The following ATP2B2 variants were observed in gnomAD, a reference collection of about 807,000 sequenced individuals.
ATP2B2 encodes ATPase plasma membrane Ca2+ transporting 2, also known as plasma membrane calcium-transporting ATPase 2.
In ATP2B2, 15 loss-of-function variants were observed where a neutral mutation model predicts 120.0. That is an observed-to-expected ratio of 0.12 (90% CI 0.08 to 0.19). The LOEUF is 0.19. Ranked by LOEUF, ATP2B2 falls within the 10% of genes least tolerant of loss-of-function variation. ATP2B2 has a pLI of 1.00. For synonymous variants in ATP2B2, 694 were observed against 700.3 expected (o/e 0.99, Z 0.14); for missense variants, 1,045 against 1,719.8 (o/e 0.61, Z 6.94).
chr3:10,489,883 T>C (rs1285898295), intron 1 of ATP2B2, among the ~76,000 whole-genome samples: 1 of 152,250 alleles, frequency 6.6e-6, no homozygotes, highest in Admixed American at 6.5e-5. Context: ...CCATTTAGCC[T>C]GCAGCCCTGG....
At position 10,598,737 on chromosome 3, in the gene ATP2B2, C is replaced by T. The variant is rs150536559; in HGVS notation, c.-415+21180G>A. ...AAACACATGGAAACCTGAGTCTGCA[C>T]GGAATAAATGTTTGCTGATTGACTG... On this transcript the variant is annotated intron_variant, in intron 2 of 21. Transcript: ENST00000646379. 1.3e-4 allele frequency among the ~76,000 whole-genome samples: 20 copies of T among 152,288 alleles called. No individual in the cohort carries two copies. The East Asian group carries it at 3.3e-3, about 25-fold the overall frequency.
intron 1 of ATP2B2, among the ~76,000 whole-genome samples, chr3:10,498,078 T>C (rs613514): frequency 0.71 from 108,634 of 152,212 alleles, 39,918 homozygotes; most frequent in African/African-American, 0.89. Flanking sequence ...TCCACTGTGG[T>C]GTAACACCAG....
intron 1 of ATP2B2, among the ~76,000 whole-genome samples, chr3:10,651,343 C>A (rs1012788609): frequency 6.6e-6 from 1 of 152,116 alleles, no homozygotes; most frequent in African/African-American, 2.4e-5. Context: ...GTAATTGAAT[C>A]ATGGGGGCAG....
chr3:10,595,627 A>G (rs939268842), intron 2 of ATP2B2, among the ~76,000 whole-genome samples: 1 of 140,122 alleles, frequency 7.1e-6, no homozygotes, highest in Non-Finnish European at 1.5e-5. Context: ...CCAAGTTGCC[A>G]CATCTCATAT....
At chr3:10,345,661 C>T in intron 17 of ATP2B2, 86 bp from the exon 18 acceptor site, 1 of 1,312,458 alleles carries the variant, frequency 7.6e-7, no homozygotes, top group Non-Finnish European at 1.1e-6. Context: ...CCTCCACTTC[C>T]TCAGTCCTAC....
chr3:10,373,424 T>A (rs6442165), intron 11 of ATP2B2, among the ~76,000 whole-genome samples: 3 of 152,020 alleles, frequency 2.0e-5, no homozygotes, highest in South Asian at 2.1e-4. Flanking sequence ...CTTTAAGTCC[T>A]TACTATCCAA....
intron 1 of ATP2B2, among the ~76,000 whole-genome samples, chr3:10,496,134 T>C (rs547218687): frequency 1.4e-4 from 21 of 152,306 alleles, no homozygotes; most frequent in Middle Eastern, 3.4e-3. Flanking sequence ...AAGTGAGTCA[T>C]GTAAGTTGAT....
At position 10,557,966 on chromosome 3, in the gene ATP2B2, G is replaced by T. The variant is rs4684711; in HGVS notation, c.-414-23833C>A. Among the ~76,000 whole-genome samples the T allele has an allele frequency of 1.6e-4, 25 of 152,288 alleles. No homozygotes were observed. In the East Asian group the frequency reaches 2.9e-3, roughly 18 times the overall value. On this transcript the variant is annotated intron_variant, in intron 2 of 21. Transcript: ENST00000646379. ...TCTTGGTCAGAGATGGTAGCATGAA[G>T]GCCCCTGGCCAGGCAGTGATACAGG...
At chr3:10,659,104 T>C (rs1377623937) in intron 1 of ATP2B2, among the ~76,000 whole-genome samples, 2 of 152,112 alleles carry the variant, frequency 1.3e-5, no homozygotes, top group Non-Finnish European at 2.9e-5. Context: ...GGACTAAACA[T>C]GGAAAGGAAC....
At chr3:10,507,695 C>T (rs1559428278), upstream of ATP2B2, among the ~76,000 whole-genome samples, 1 of 152,352 alleles carries the variant, frequency 6.6e-6, no homozygotes, top group East Asian at 1.9e-4. Context: ...AACAATCACA[C>T]TGCCTTCTGT....
At chr3:10,654,480 G>A (rs1320499156) in intron 1 of ATP2B2, among the ~76,000 whole-genome samples, 4 of 152,246 alleles carry the variant, frequency 2.6e-5, no homozygotes, top group East Asian at 3.9e-4. Flanking sequence ...GAACATAGAC[G>A]AGCGAAGTGG....
intron 1 of ATP2B2, among the ~76,000 whole-genome samples, chr3:10,479,321 C>T (rs1024902): frequency 0.44 from 65,691 of 150,626 alleles, 15,581 homozygotes; most frequent in East Asian, 0.99. Context: ...CTCTCATTTC[C>T]TCTGCTTGTC....
chr3:10,343,327 A>G lies in ATP2B2; in HGVS notation c.2704-362T>C, dbSNP rs1255167890. Among the ~76,000 whole-genome samples, 2 of 150,684 alleles carry G rather than the reference A, an allele frequency of 1.3e-5. No individual in the cohort carries two copies. Among genetic ancestry groups the G allele is most frequent in the African/African-American group, 4.9e-5 (2 of 40,804 alleles). ...CAAGACCATTCCCACCGCCTCCGGC[A>G]TGGGCTCCTACCTCCTCCCCCCACT... On this transcript the variant is annotated intron_variant, in intron 18 of 22. Transcript: ENST00000360273. This position sits in a 1 kb window ranked among gnomAD's most constrained non-coding sequence, Gnocchi z 4.2.
At chr3:10,600,076 G>A (rs1176569961) in intron 2 of ATP2B2, among the ~76,000 whole-genome samples, 3 of 151,758 alleles carry the variant, frequency 2.0e-5, no homozygotes, top group African/African-American at 4.8e-5. Flanking sequence ...CAGGTGGTAG[G>A]AGCACAGTAT....
intron 1 of ATP2B2, among the ~76,000 whole-genome samples, chr3:10,673,806 CAAAA>C (rs549651187): frequency 4.1e-5 from 3 of 73,776 alleles, no homozygotes; most frequent in East Asian, 4.5e-4. Flanking sequence ...GACCCTGTTT[CAAAA>C]AAAAAAAAAA....
In ATP2B2 at chr3:10,402,706, G is replaced by C. The variant is rs549268161; in HGVS notation, c.398-358C>G. The stretch of plus-strand genomic sequence containing the variant: ...TTTTCTGCCTTGGTTCTAGCTGTGA[G>C]ATCTTGGGCAAATGACTCCCTTTCT... On this transcript the variant is annotated intron_variant, in intron 3 of 22. Transcript: ENST00000360273. The surrounding 1 kb of genome is among the most constrained non-coding windows in gnomAD (Gnocchi z 4.9). Among the ~76,000 whole-genome samples the C allele has an allele frequency of 2.6e-5, 4 of 152,288 alleles. No homozygotes were observed. The East Asian group carries it at 7.7e-4, about 29-fold the overall frequency.
chr3:10,474,397 T>C (rs1372987929), intron 1 of ATP2B2, among the ~76,000 whole-genome samples: 3 of 152,064 alleles, frequency 2.0e-5, no homozygotes, highest in Non-Finnish European at 4.4e-5. Context: ...GATATAAATA[T>C]GGAAATCAGC....
chr3:10,351,739 G>A (rs1414631502), intron 14 of ATP2B2, among the ~76,000 whole-genome samples: 1 of 152,198 alleles, frequency 6.6e-6, no homozygotes, highest in Non-Finnish European at 1.5e-5. Flanking sequence ...CAACAGGAAT[G>A]GTGTCCTTAT....
At chr3:10,341,350 G>A (rs560180882) in intron 19 of ATP2B2, among the ~76,000 whole-genome samples, 1 of 152,250 alleles carries the variant, frequency 6.6e-6, no homozygotes, top group Admixed American at 6.5e-5. Flanking sequence ...TCTCGTTGTT[G>A]CCCAGGCTGG....
Sources: gnomAD v4.1 joint callset for allele counts (sites outside exome capture counted in the v4.1 genomes callset) on GRCh38, gnomAD v4.1.1 for gene constraint, Gnocchi (gnomAD v3.1) non-coding constraint, MANE v1.5 for transcripts, NCBI Gene and HGNC (gene_info 2026-07-23, HGNC 2026-07-21) for gene names.